AGTPBP1: variants seen among roughly 807,000 people sequenced by gnomAD.
AGTPBP1 encodes cytosolic carboxypeptidase 1.
AGTPBP1 carries 70 observed loss-of-function variants against 143.9 expected under a neutral mutation model. The observed-to-expected ratio is 0.49, with a 90% CI of 0.40 to 0.59. The LOEUF is 0.59. AGTPBP1 is among the 20% of genes least tolerant of loss of function. The probability of loss-of-function intolerance (pLI) is 0.00; values close to 1 mark genes in which losing one functional copy is unlikely to be tolerated. For missense variants in AGTPBP1, 1,229 were observed against 1,464.5 expected (o/e 0.84, Z 2.62); for synonymous variants, 463 against 500.2 (o/e 0.93, Z 0.99).
intron 9 of AGTPBP1, among the ~76,000 whole-genome samples, 173 bp downstream of exon 9, chr9:85,660,763 T>C (rs1371436832): frequency 6.6e-6 from 1 of 152,128 alleles, no homozygotes; most frequent in Non-Finnish European, 1.5e-5. Flanking sequence ...CATAATATGG[T>C]ATTAGTTATG....
chr9:85,800,431 C>T, the AGTPBP1 span, among the ~76,000 whole-genome samples: 85 of 152,328 alleles, frequency 5.6e-4, no homozygotes, highest in Non-Finnish European at 9.8e-4. Context: ...GAAGTAGTCA[C>T]TTTGGCAGCT....
At chr9:85,676,337 C>T (rs547532900) in intron 6 of AGTPBP1, among the ~76,000 whole-genome samples, 131 of 151,966 alleles carry the variant, frequency 8.6e-4, no homozygotes, top group Non-Finnish European at 1.5e-3. Flanking sequence ...ATATAAGGAA[C>T]TCAAATAGCT....
intron 8 of AGTPBP1, among the ~76,000 whole-genome samples, chr9:85,668,848 A>G (rs2134043003): frequency 6.6e-6 from 1 of 151,638 alleles, no homozygotes; most frequent in Non-Finnish European, 1.5e-5. Flanking sequence ...AAAAAATTTT[A>G]AAGAAAGACC....
chr9:85,689,925 A>AAAATATAT (rs58719163), intron 3 of AGTPBP1, among the ~76,000 whole-genome samples: 127 of 72,444 alleles, frequency 1.8e-3, no homozygotes, highest in African/African-American at 7.9e-3. Context: ...AAAAAAAAAA[A>AAAATATAT]ATATATATAT....
chr9:85,730,910 T>A (rs1041740492), intron 1 of AGTPBP1, among the ~76,000 whole-genome samples: 4 of 152,250 alleles, frequency 2.6e-5, no homozygotes, highest in East Asian at 1.9e-4. Flanking sequence ...TATCTCCTGA[T>A]TGAACCCATA....
the AGTPBP1 span, among the ~76,000 whole-genome samples, chr9:85,767,657 T>C: frequency 1.3e-5 from 2 of 151,240 alleles, no homozygotes; most frequent in Non-Finnish European, 2.9e-5. Flanking sequence ...AATTTTTGTA[T>C]TTTTAGTAGA....
chr9:85,701,353 C>T (rs924544593), intron 2 of AGTPBP1, among the ~76,000 whole-genome samples: 9 of 151,794 alleles, frequency 5.9e-5, no homozygotes, highest in African/African-American at 2.2e-4. Flanking sequence ...CCTCAGCCTC[C>T]CGAGTAGCTA....
the AGTPBP1 span, among the ~76,000 whole-genome samples, chr9:85,756,806 C>T: frequency 2.0e-5 from 3 of 152,052 alleles, no homozygotes; most frequent in Non-Finnish European, 4.4e-5. Flanking sequence ...CATGGATGAA[C>T]GTTGAACACC....
Position 85,621,241 on chromosome 9 carries a change from T to C in AGTPBP1, c.2060A>G (p.Asp687Gly). The C allele has an allele frequency of 6.8e-7, 1 of 1,470,596 alleles. No individual in the cohort carries two copies. Among genetic ancestry groups the C allele is most frequent in the Non-Finnish European group, 8.9e-7 (1 of 1,117,372 alleles). 91.1% of individuals were successfully genotyped at this position (1,470,596 alleles called of 1,614,324 possible). ...QDIERLIHQS[D>G]IIDRVVYDLD... is the part of the protein sequence containing the mutation. Reference sequence around the variant, plus strand: ...GTCATATACCACACGATCTATGATATCACTCTGATGTATTAGCCTTTCAAT... The same window carrying C: ...GTCATATACCACACGATCTATGATACCACTCTGATGTATTAGCCTTTCAAT... Residue 687 changes from aspartate (D) to glycine (G), a missense_variant, in exon 15 of 26, where the codon GAT becomes GGT. By Grantham distance (94) the Asp-to-Gly change is moderately conservative. This residue lies in a region of AGTPBP1 where 743 missense variants were observed against 812.2 expected (regional missense o/e 0.91). Coordinates refer to ENST00000357081, the MANE Select transcript of AGTPBP1 (RefSeq NM_001330701.2).
rs10283836 is a variant in AGTPBP1 at position 85,692,610 on chromosome 9, A to C, written c.157+79T>G. On this transcript the variant is annotated intron_variant, in intron 3 of 25. Coordinates refer to ENST00000357081, the MANE Select transcript of AGTPBP1 (RefSeq NM_001330701.2). ...TTTTTGTGGAAAATCATCCATTATT[A>C]GAAGTTTGAACATTTTTAGCATCCA... 6.0e-3 allele frequency: 9,228 copies of C among 1,529,612 alleles called. 271 individuals carry two copies. In the African/African-American group the frequency reaches 0.075, roughly 12 times the overall value. 94.8% of individuals were successfully genotyped at this position (1,529,612 alleles called of 1,614,324 possible).
At chr9:85,757,060 A>G in the AGTPBP1 span, among the ~76,000 whole-genome samples, 1 of 152,116 alleles carries the variant, frequency 6.6e-6, no homozygotes, top group Non-Finnish European at 1.5e-5. Flanking sequence ...AAGTGTGAAT[A>G]TATGAAAAAC....
chr9:85,770,290 C>T, the AGTPBP1 span: 7 of 1,586,400 alleles, frequency 4.4e-6, no homozygotes, highest in Non-Finnish European at 5.2e-6. Context: ...CTAGGAAGAA[C>T]ATGTTCTTTT....
At chr9:85,592,457 C>T in intron 19 of AGTPBP1, 103 bp downstream of exon 19, 2 of 768,460 alleles carry the variant, frequency 2.6e-6, no homozygotes, top group Non-Finnish European at 3.9e-6. Flanking sequence ...TAACTAAACT[C>T]AATTATTATC....
At chr9:85,685,506 A>AT (rs1244348508) in intron 3 of AGTPBP1, among the ~76,000 whole-genome samples, 1 of 152,032 alleles carries the variant, frequency 6.6e-6, no homozygotes, top group Non-Finnish European at 1.5e-5. Flanking sequence ...GACGATGACG[A>AT]TGAAACTGCC....
At chr9:85,625,802 T>C (rs1268073766) in intron 14 of AGTPBP1, among the ~76,000 whole-genome samples, 3 of 151,448 alleles carry the variant, frequency 2.0e-5, no homozygotes, top group African/African-American at 7.3e-5. Flanking sequence ...AGAGAATCAC[T>C]TGAACCTGGG....
intron 14 of AGTPBP1, among the ~76,000 whole-genome samples, chr9:85,625,772 C>CTACT (rs989014054): frequency 8.6e-5 from 13 of 151,522 alleles, no homozygotes; most frequent in Admixed American, 1.3e-4. Context: ...GTAATCCCAG[C>CTACT]TACTTGGGAG....
intron 3 of AGTPBP1, among the ~76,000 whole-genome samples, chr9:85,683,978 A>G (rs1385433131): frequency 6.6e-6 from 1 of 151,842 alleles, no homozygotes; most frequent in African/African-American, 2.4e-5. Context: ...ACAGAAGTGA[A>G]TCCCAAAAAG....
At chr9:85,664,286 G>A (rs576116525) in intron 8 of AGTPBP1, among the ~76,000 whole-genome samples, 1 of 152,082 alleles carries the variant, frequency 6.6e-6, no homozygotes, top group Non-Finnish European at 1.5e-5. Context: ...ACCACATTAC[G>A]ATTTTCATGG....
At chr9:85,657,731 T>C (rs1833615761) in intron 9 of AGTPBP1, 88 bp from the exon 10 acceptor site, 2 of 818,168 alleles carry the variant, frequency 2.4e-6, no homozygotes, top group African/African-American at 3.5e-5. Context: ...TACCTCAATA[T>C]TGTGATGGAT....
Sources: allele counts gnomAD v4.1 joint callset (sites outside exome capture counted in the v4.1 genomes callset), GRCh38; gene constraint gnomAD v4.1.1; regional missense constraint gnomAD v4.1.1; transcripts MANE v1.5; gene names NCBI Gene and HGNC (gene_info 2026-07-23, HGNC 2026-07-21).